PSMG1: variants seen among roughly 807,000 people sequenced by gnomAD.
PSMG1 encodes the protein Down syndrome critical region gene 2.
PSMG1 carries 23 observed loss-of-function variants against 37.2 expected under a neutral mutation model. That is an observed-to-expected ratio of 0.62 (90% CI 0.44 to 0.88). The LOEUF is 0.88. PSMG1 is among the 40% of genes least tolerant of loss of function. PSMG1 has a pLI of 0.00. For synonymous variants in PSMG1, 127 were observed against 128.0 expected (o/e 0.99, Z 0.05); for missense variants, 340 against 344.2 (o/e 0.99, Z 0.10).
chr21:39,177,510 C>T lies in PSMG1; in HGVS notation c.717G>A (p.Val239=). The change falls in exon 6 of 7, where the codon GTG becomes GTA. Residue 239 remains valine (V), a synonymous_variant. Transcript: ENST00000331573. ...PAILYLCYTD[V]MKLDLITVEA... is the part of the protein sequence containing the mutation. Reference sequence around the variant, plus strand: ...CCACTGTGATTAGGTCTAATTTCATCACATCAGTATAACACAAGTACAGAA... The same window carrying T: ...CCACTGTGATTAGGTCTAATTTCATTACATCAGTATAACACAAGTACAGAA... The T allele has an allele frequency of 6.2e-7, 1 of 1,608,228 alleles. No homozygotes were observed.
intron 1 of PSMG1, 22 bp downstream of exon 1, chr21:39,183,230 T>A: frequency 6.4e-7 from 1 of 1,559,080 alleles, no homozygotes; most frequent in Non-Finnish European, 8.7e-7. Context: ...GTGAGCGCGC[T>A]GCCCTTATCC....
rs1490568586 is a variant in PSMG1, at chr21:39,174,819, T to C, written c.*771A>G. 6.6e-6 allele frequency: 1 copy of C among 152,200 alleles called. No homozygotes were observed. The highest frequency in any genetic ancestry group is 1.9e-4 in the East Asian group (1 of 5,208). The allele number at this position is 152,200 out of a possible 1,614,324, so 9.4% of individuals were successfully genotyped here. On this transcript the variant is annotated 3_prime_UTR_variant, in exon 7 of 7. Coordinates refer to ENST00000331573, the MANE Select transcript of PSMG1 (RefSeq NM_003720.4). ...TTCATGATTCCATTCACACTCCTAA[T>C]GATAACACATGACTGTAAGAGAACT...
In PSMG1 at chr21:39,181,893, A is replaced by G. The variant is rs1423807636; in HGVS notation, c.135-15T>C. On this transcript the variant is annotated splice_polypyrimidine_tract_variant and intron_variant, in intron 1 of 6. Coordinates refer to ENST00000331573, the MANE Select transcript of PSMG1 (RefSeq NM_003720.4). ...GCCGCACTTCCCTAACACAAGAAACAAGATGAAACTAAAGCAACTTCAATA... is the reference window on the plus strand; with the variant it reads ...GCCGCACTTCCCTAACACAAGAAACGAGATGAAACTAAAGCAACTTCAATA... The G allele has an allele frequency of 3.9e-6, 6 of 1,549,460 alleles. No individual in the cohort carries two copies. The Admixed American group carries it at 6.5e-5, about 17-fold the overall frequency.
upstream of PSMG1, chr21:39,183,456 C>A (rs1191594991): frequency 1.5e-5 from 23 of 1,483,992 alleles, no homozygotes; most frequent in Non-Finnish European, 1.9e-5. Context: ...CGAGACCACG[C>A]TCCCTCACCG....
At chr21:39,178,017 A>C (rs184446549) in intron 5 of PSMG1, among the ~76,000 whole-genome samples, 2 of 152,308 alleles carry the variant, frequency 1.3e-5, no homozygotes, top group East Asian at 3.9e-4. Context: ...ACCCACTGAA[A>C]AGTAAATGGC....
chr21:39,179,303 G>GC (rs1463738318), intron 4 of PSMG1, among the ~76,000 whole-genome samples: 1 of 152,106 alleles, frequency 6.6e-6, no homozygotes, highest in Non-Finnish European at 1.5e-5. Flanking sequence ...CGTAATGCCA[G>GC]CACTACCTAC....
Position 39,183,257 on chromosome 21 carries a change from C to G in PSMG1, c.129G>C (p.Arg43=). 1 of 1,582,704 alleles carries G rather than the reference C, an allele frequency of 6.3e-7. No homozygotes were observed. The highest frequency in any genetic ancestry group is 8.6e-7 in the Non-Finnish European group (1 of 1,168,530). ...EDREVRLQLA[R]KREVRLLRRQ... ...CCCTTATCCCGGTGCCTCACCTCTT[C>G]CGCGCCAGCTGCAGACGCACCTCCC... Residue 43 remains arginine (R), a synonymous_variant, in exon 1 of 7, where the codon CGG becomes CGC. Coordinates refer to ENST00000331573, the MANE Select transcript of PSMG1 (RefSeq NM_003720.4).
rs1177374024 is a variant in PSMG1 at position 39,181,830 on chromosome 21, A to G, written c.183T>C (p.Ser61=). The change falls in exon 2 of 7, where the codon TCT becomes TCC. Residue 61 remains serine (S), a synonymous_variant. Transcript: ENST00000331573. ...TGGAGCACGGATATTTTTCTAGCAA[A>G]GAAACTTCCAAAGATGTTTTTGTTT... ...RRQTKTSLEV[S]LLEKYPCSKF... The G allele has an allele frequency of 6.3e-7, 1 of 1,595,124 alleles. No homozygotes were observed. Among genetic ancestry groups the G allele is most frequent in the East Asian group, 2.3e-5 (1 of 43,786 alleles).
At chr21:39,180,944 C>T (rs993225681) in intron 2 of PSMG1, among the ~76,000 whole-genome samples, 5 of 152,088 alleles carry the variant, frequency 3.3e-5, no homozygotes, top group Admixed American at 6.6e-5. Context: ...CTTTAATCCA[C>T]CAAGAGAATT....
chr21:39,175,485 C>T lies in PSMG1; in HGVS notation c.*105G>A. The T allele has an allele frequency of 2.9e-6, 4 of 1,389,184 alleles. No homozygotes were observed. The highest frequency in any genetic ancestry group is 3.8e-6 in the Non-Finnish European group (4 of 1,065,180). 86.1% of individuals were successfully genotyped at this position (1,389,184 alleles called of 1,614,324 possible). On this transcript the variant is annotated 3_prime_UTR_variant, in exon 7 of 7. Coordinates refer to ENST00000331573, the MANE Select transcript of PSMG1 (RefSeq NM_003720.4). ...AATTTTTTACAATTTTATTCCGTTT[C>T]ATCATTCTCAAAATATATCCCCCAA...
At position 39,177,699 on chromosome 21, in the gene PSMG1, T is replaced by C. The variant is rs189614524; in HGVS notation, c.656-128A>G. 2.7e-4 allele frequency: 167 copies of C among 621,954 alleles called. 1 individual carries two copies. Among genetic ancestry groups the C allele is most frequent in the African/African-American group, 2.5e-3 (134 of 52,650 alleles). The allele number at this position is 621,954 out of a possible 1,614,324, so 38.5% of individuals were successfully genotyped here. On this transcript the variant is annotated intron_variant, in intron 5 of 6. Coordinates refer to ENST00000331573, the MANE Select transcript of PSMG1 (RefSeq NM_003720.4). ...CAGCTGCCTCTTTCAATCAAGGTAT[T>C]TACTGCAATTTTGAACCAATTATAA...
At position 39,183,325 on chromosome 21, in the gene PSMG1, C is replaced by T; in HGVS notation, c.61G>A (p.Glu21Lys). 1 of 1,578,360 alleles carries T rather than the reference C, an allele frequency of 6.3e-7. No individual in the cohort carries two copies. The change falls in exon 1 of 7, where the codon GAA (glutamate) becomes AAA (lysine). Residue 21 changes from glutamate (E) to lysine (K), a missense_variant. Coordinates refer to ENST00000331573, the MANE Select transcript of PSMG1 (RefSeq NM_003720.4). ...CTCCGCCCCTCCTCCTCCTCCTCTT[C>T]GTCCTCAGTCCCAGCTCGGCACGGC... is the stretch of plus-strand genomic sequence containing the variant. ...KAPCRAGTED[E>K]EEEEEGRRET...
chr21:39,178,197 AG>A (rs757929850), intron 5 of PSMG1, among the ~76,000 whole-genome samples: 2 of 152,260 alleles, frequency 1.3e-5, no homozygotes, highest in Non-Finnish European at 2.9e-5. Context: ...GAATAATCAA[AG>A]ACCAAAAAGA....
At chr21:39,183,495 G>GCCACGCCCTCCGCGCACAGC (rs2030960653), upstream of PSMG1, 1 of 1,324,996 alleles carries the variant, frequency 7.5e-7, no homozygotes. Flanking sequence ...CCCCGCACAG[G>GCCACGCCCTCCGCGCACAGC]CCACGCCCTC....
At position 39,183,237 on chromosome 21, in the gene PSMG1, A is replaced by C. The variant is rs761621008; in HGVS notation, c.134+15T>G. Reference sequence around the variant, plus strand: ...CAGCTGCGGTGAGCGCGCTGCCCTTATCCCGGTGCCTCACCTCTTCCGCGC... The same window carrying C: ...CAGCTGCGGTGAGCGCGCTGCCCTTCTCCCGGTGCCTCACCTCTTCCGCGC... On this transcript the variant is annotated intron_variant, in intron 1 of 6. Transcript: ENST00000331573. 2.5e-5 allele frequency: 39 copies of C among 1,570,978 alleles called. No homozygotes were observed. The East Asian group carries it at 9.5e-4, about 38-fold the overall frequency.
At chr21:39,183,197 G>A in intron 1 of PSMG1, 55 bp downstream of exon 1, 2 of 1,484,218 alleles carry the variant, frequency 1.3e-6, no homozygotes, top group African/African-American at 1.4e-5. Flanking sequence ...GCGGCTGCCA[G>A]GCCCGCGCAC....
Position 39,183,207 on chromosome 21 carries a change from C to T in PSMG1, c.134+45G>A, listed in dbSNP as rs2030934768. On this transcript the variant is annotated intron_variant, in intron 1 of 6. Coordinates refer to ENST00000331573, the MANE Select transcript of PSMG1 (RefSeq NM_003720.4). The stretch of plus-strand genomic sequence containing the variant: ...CCGTCGCGGCTGCCAGGCCCGCGCA[C>T]CTTCCAGCTGCGGTGAGCGCGCTGC... 9.3e-6 allele frequency: 14 copies of T among 1,512,982 alleles called. No individual in the cohort carries two copies. In the East Asian group the frequency reaches 3.2e-4, roughly 35 times the overall value. The allele number at this position is 1,512,982 out of a possible 1,614,324, so 93.7% of individuals were successfully genotyped here.
chr21:39,178,332 G>T, intron 5 of PSMG1, 117 bp downstream of exon 5: 1 of 890,700 alleles, frequency 1.1e-6, no homozygotes, highest in Non-Finnish European at 1.7e-6. Context: ...AGGACTAACA[G>T]CAATATATTG....
intron 6 of PSMG1, 46 bp from the exon 7 acceptor site, chr21:39,175,710 AG>A (rs1340991372): frequency 7.9e-7 from 1 of 1,263,426 alleles, no homozygotes. Context: ...CCAGGGATTC[AG>A]GCAGAGGCAA....
Sources: allele counts gnomAD v4.1 joint callset (sites outside exome capture counted in the v4.1 genomes callset), GRCh38; gene constraint gnomAD v4.1.1; transcripts MANE v1.5; gene names NCBI Gene and HGNC (gene_info 2026-07-23, HGNC 2026-07-21).